PHF11: variants seen among roughly 807,000 people sequenced by gnomAD.
PHF11 encodes PHD finger protein 11.
A neutral mutation model predicts 40.5 loss-of-function variants in PHF11; 38 were observed. That is an observed-to-expected ratio of 0.94 (90% CI 0.72 to 1.23). PHF11 has a LOEUF of 1.23. PHF11 is among the 50% of genes most tolerant of loss of function. The pLI is 0.00. For missense variants in PHF11, 369 were observed against 392.4 expected (o/e 0.94, Z 0.50); for synonymous variants, 127 against 138.2 (o/e 0.92, Z 0.57).
At chr13:49,507,896 C>G (rs2139043682) in intron 2 of PHF11, among the ~76,000 whole-genome samples, 1 of 152,208 alleles carries the variant, frequency 6.6e-6, no homozygotes, top group East Asian at 1.9e-4. Context: ...TGGAACCAAT[C>G]CCCTGCAGAC....
At chr13:49,497,033 G>A in intron 1 of PHF11, 1 of 1,222,406 alleles carries the variant, frequency 8.2e-7, no homozygotes, top group Non-Finnish European at 1.0e-6. Context: ...GTTTCTCCAT[G>A]TTTCATGGGC....
intron 9 of PHF11, among the ~76,000 whole-genome samples, chr13:49,527,846 C>T (rs1959376637): frequency 6.6e-6 from 1 of 152,074 alleles, no homozygotes; most frequent in Admixed American, 6.5e-5. Context: ...GGTTTCACTA[C>T]CCTGGTTGAT....
At chr13:49,520,812 G>A (rs549975416) in intron 4 of PHF11, 82 bp from the exon 5 acceptor site, 73 of 989,964 alleles carry the variant, frequency 7.4e-5, no homozygotes, top group South Asian at 3.0e-4. Flanking sequence ...AGGTTGGTAC[G>A]TTTTTAATCA....
At chr13:49,508,807 C>T (rs931472069) in intron 2 of PHF11, among the ~76,000 whole-genome samples, 2 of 152,018 alleles carry the variant, frequency 1.3e-5, no homozygotes, top group African/African-American at 2.4e-5. Flanking sequence ...TCAATTATAG[C>T]GGTGATTACA....
Position 49,522,121 on chromosome 13 carries a change from GTTTT to G in PHF11, c.570+16_570+19del. 7.1e-7 allele frequency: 1 copy of G among 1,413,790 alleles called. No homozygotes were observed. The highest frequency in any genetic ancestry group is 1.0e-6 in the Non-Finnish European group (1 of 1,003,206). The allele number at this position is 1,413,790 out of a possible 1,614,324, so 87.6% of individuals were successfully genotyped here. A position where few individuals can be genotyped will look rare whatever the true frequency, so the allele number is the denominator to read the frequency against. ...AATCATGTACAGGTAATTTGACTTAGTTTTTATAGCTTTGCATTTCTTCATACAG... is the reference window on the plus strand; with the variant it reads ...AATCATGTACAGGTAATTTGACTTAGTATAGCTTTGCATTTCTTCATACAG... On this transcript the variant is annotated intron_variant, in intron 6 of 9. Coordinates refer to ENST00000378319, the MANE Select transcript of PHF11 (RefSeq NM_001040443.3).
intron 5 of PHF11, chr13:49,521,374 G>T: frequency 6.1e-6 from 6 of 988,124 alleles, no homozygotes; most frequent in Non-Finnish European, 7.2e-6. Context: ...GGAGTCATGG[G>T]GTATACTTTC....
In PHF11 at chr13:49,496,124, CGG is replaced by C; in HGVS notation, c.94+31_94+32del. The C allele has an allele frequency of 1.4e-5, 5 of 358,222 alleles. No individual in the cohort carries two copies. The South Asian group carries it at 2.1e-4, about 15-fold the overall frequency. 22.2% of individuals were successfully genotyped at this position (358,222 alleles called of 1,614,324 possible). ...TGTACCGCGGGGGCGGGCGGGCGGG[CGG>C]GCGGGGCTGGGCAGCGACGGGCCCG... On this transcript the variant is annotated intron_variant, in intron 1 of 9. Transcript: ENST00000378319.
chr13:49,504,381 T>G (rs1191251025), intron 1 of PHF11, among the ~76,000 whole-genome samples: 2 of 151,976 alleles, frequency 1.3e-5, no homozygotes, highest in Non-Finnish European at 2.9e-5. Flanking sequence ...ACTTGAGCCC[T>G]GGAGGCAGAG....
chr13:49,516,804 C>T (rs181664714), intron 3 of PHF11, among the ~76,000 whole-genome samples: 170 of 152,014 alleles, frequency 1.1e-3, no homozygotes, highest in Non-Finnish European at 1.7e-3. Flanking sequence ...AAGCTGGTCT[C>T]GAACTCCTGG....
chr13:49,519,459 T>C (rs933361531), intron 4 of PHF11, among the ~76,000 whole-genome samples: 7 of 152,108 alleles, frequency 4.6e-5, no homozygotes, highest in African/African-American at 1.7e-4. Flanking sequence ...ACAGTCTTCT[T>C]GCATTGTTTT....
intron 8 of PHF11, chr13:49,526,168 C>CA (rs10573458): frequency 0.013 from 4,486 of 339,328 alleles, 9 homozygotes; most frequent in South Asian, 0.024. Flanking sequence ...GATTCTGTCT[C>CA]AAAAAAAAAA....
At chr13:49,502,089 T>C (rs1358206094) in intron 1 of PHF11, among the ~76,000 whole-genome samples, 2 of 152,040 alleles carry the variant, frequency 1.3e-5, no homozygotes, top group African/African-American at 2.4e-5. Context: ...CACTTGAGCC[T>C]AGGAGTTCGA....
At chr13:49,522,758 G>GTTTTTTTTT (rs1200697917) in intron 6 of PHF11, among the ~76,000 whole-genome samples, 4 of 35,818 alleles carry the variant, frequency 1.1e-4, no homozygotes, top group Non-Finnish European at 1.5e-4. Flanking sequence ...ATGAATATGG[G>GTTTTTTTTT]GTTTTTTTGT....
Position 49,518,171 on chromosome 13 carries a change from T to A in PHF11, c.458+20T>A, listed in dbSNP as rs1463255431. On this transcript the variant is annotated intron_variant, in intron 4 of 9. Transcript: ENST00000378319. ...TTATAAGTATTTAATAAAACATTTT[T>A]AAAACCACATTTGGGGGATTGGGAT... 6.5e-7 allele frequency: 1 copy of A among 1,541,898 alleles called. No individual in the cohort carries two copies. The highest frequency in any genetic ancestry group is 8.8e-7 in the Non-Finnish European group (1 of 1,131,992).
At chr13:49,504,910 C>T (rs1383587414) in intron 1 of PHF11, among the ~76,000 whole-genome samples, 1 of 148,844 alleles carries the variant, frequency 6.7e-6, no homozygotes, top group Non-Finnish European at 1.5e-5. Context: ...GATCTGTGAC[C>T]TTACCCCCAA....
intron 8 of PHF11, 113 bp downstream of exon 8, chr13:49,524,329 T>C (rs994633153): frequency 9.6e-6 from 8 of 837,672 alleles, no homozygotes; most frequent in Admixed American, 2.8e-5. Context: ...TACTACTTTT[T>C]TCTTCTATCA....
At chr13:49,520,866 T>C (rs571325964) in intron 4 of PHF11, 28 bp from the exon 5 acceptor site, 3 of 1,458,024 alleles carry the variant, frequency 2.1e-6, no homozygotes, top group African/African-American at 1.4e-5. Flanking sequence ...AAAAATATTT[T>C]ACAATTCTTT....
intron 9 of PHF11, among the ~76,000 whole-genome samples, chr13:49,526,952 C>T (rs1959324100): frequency 6.6e-6 from 1 of 151,878 alleles, no homozygotes; most frequent in African/African-American, 2.4e-5. Context: ...GCCTCCCTCT[C>T]GCTTGGTGAG....
intron 6 of PHF11, 59 bp from the exon 7 acceptor site, chr13:49,523,115 TG>T: frequency 8.8e-7 from 1 of 1,135,328 alleles, no homozygotes; most frequent in Non-Finnish European, 1.3e-6. Flanking sequence ...AGCAAAAGAC[TG>T]GTTTTCATTT....
Sources: gnomAD v4.1 joint callset for allele counts (sites outside exome capture counted in the v4.1 genomes callset) on GRCh38, gnomAD v4.1.1 for gene constraint, MANE v1.5 for transcripts, NCBI Gene and HGNC (gene_info 2026-07-23, HGNC 2026-07-21) for gene names.